The following KAT6B variants were observed in gnomAD, a reference collection of about 807,000 sequenced individuals.
KAT6B encodes the protein lysine acetyltransferase 6B.
In KAT6B, 10 loss-of-function variants were observed where a neutral mutation model predicts 187.5. The observed-to-expected ratio is 0.05, with a 90% CI of 0.03 to 0.09. The LOEUF is 0.09. KAT6B is among the 10% of genes least tolerant of loss of function. The probability of loss-of-function intolerance (pLI) is 1.00; values close to 1 mark genes in which losing one functional copy is unlikely to be tolerated. For synonymous variants in KAT6B, 861 were observed against 926.8 expected (o/e 0.93, Z 1.29); for missense variants, 1,952 against 2,558.9 (o/e 0.76, Z 5.12).
chr10:74,897,663 A>G (rs950792930), intron 3 of KAT6B, among the ~76,000 whole-genome samples: 1 of 152,248 alleles, frequency 6.6e-6, no homozygotes, highest in African/African-American at 2.4e-5. Flanking sequence ...GTGTCTTAGC[A>G]GTGAACTTCA....
At chr10:74,971,643 T>G (rs946583464) in intron 6 of KAT6B, among the ~76,000 whole-genome samples, 34 of 152,154 alleles carry the variant, frequency 2.2e-4, no homozygotes, top group Non-Finnish European at 4.1e-4. Flanking sequence ...TTTACCTTTT[T>G]CTTCCTGATT....
chr10:74,826,040 C>T (rs1490873457), upstream of KAT6B, among the ~76,000 whole-genome samples: 2 of 151,494 alleles, frequency 1.3e-5, no homozygotes, highest in African/African-American at 4.9e-5. Flanking sequence ...CTTCGCGTGC[C>T]CGCCCGCGCG....
intron 3 of KAT6B, among the ~76,000 whole-genome samples, chr10:74,948,918 G>A (rs778898003): frequency 6.6e-6 from 1 of 152,174 alleles, no homozygotes; most frequent in African/African-American, 2.4e-5. Flanking sequence ...CTTTAAGACA[G>A]AATTTCTATT....
chr10:75,030,425 C>T lies in KAT6B; in HGVS notation c.5601C>T (p.Ser1867=), dbSNP rs138499019. ...GLVQLSQSPH[S]VPGGPQAQAT... is the part of the protein sequence containing the mutation. ...TTCAACTTTCTCAGTCTCCACACTC[C>T]GTCCCTGGGGGACCCCAAGCACAAG... Residue 1867 remains serine (S), a synonymous_variant, in exon 18 of 18, where the codon TCC becomes TCT. Transcript: ENST00000287239. The surrounding 1 kb of genome is among the most constrained non-coding windows in gnomAD (Gnocchi z 4.8). 33 of 1,614,216 alleles carry T rather than the reference C, an allele frequency of 2.0e-5. No individual in the cohort carries two copies. The highest frequency in any genetic ancestry group is 4.5e-5 in the East Asian group (2 of 44,894).
At chr10:75,010,123 A>G (rs570422885) in intron 13 of KAT6B, among the ~76,000 whole-genome samples, 1 of 152,360 alleles carries the variant, frequency 6.6e-6, no homozygotes, top group East Asian at 1.9e-4. Flanking sequence ...GCACAGCTTC[A>G]GAGGGGGCTC....
chr10:75,028,354 C>T, intron 17 of KAT6B, 135 bp from the exon 18 acceptor site: 1 of 1,306,730 alleles, frequency 7.7e-7, no homozygotes, highest in South Asian at 1.3e-5. Context: ...TTGATTATGT[C>T]TTTACCATCA....
intron 4 of KAT6B, among the ~76,000 whole-genome samples, chr10:74,961,711 G>A (rs967104830): frequency 3.3e-5 from 5 of 152,274 alleles, no homozygotes; most frequent in African/African-American, 7.2e-5. Flanking sequence ...AGGGGAGGTT[G>A]ATCTCCTTTA....
chr10:74,985,038 G>GTA (rs756338318), intron 11 of KAT6B, 42 bp from the exon 12 acceptor site: 3 of 1,556,794 alleles, frequency 1.9e-6, no homozygotes, highest in Non-Finnish European at 2.7e-6. Context: ...ATATGGTGCA[G>GTA]TATTTTTATG....
At chr10:74,896,386 G>C (rs1845990603) in intron 3 of KAT6B, among the ~76,000 whole-genome samples, 1 of 152,114 alleles carries the variant, frequency 6.6e-6, no homozygotes, top group Non-Finnish European at 1.5e-5. Context: ...CCGCCTCCTG[G>C]GTTCAAGCTA....
chr10:74,859,760 A>G (rs780396362), intron 3 of KAT6B, among the ~76,000 whole-genome samples: 31 of 152,196 alleles, frequency 2.0e-4, no homozygotes, highest in Non-Finnish European at 3.4e-4. Context: ...CTCATTTTCC[A>G]CCAGCTACAG....
Position 74,985,643 on chromosome 10 carries a change from T to A in KAT6B, c.2535+402T>A, listed in dbSNP as rs1337870433. 6.6e-5 allele frequency among the ~76,000 whole-genome samples: 10 copies of A among 152,288 alleles called. No individual in the cohort carries two copies. In the South Asian group the frequency reaches 1.2e-3, roughly 19 times the overall value. On this transcript the variant is annotated intron_variant, in intron 12 of 17. Coordinates refer to ENST00000287239, the MANE Select transcript of KAT6B (RefSeq NM_012330.4). ...TGTGGTCAACAGTATCTCAGTGAGT[T>A]AGGACGCTGGCATTTGGACAGTCAA...
intron 13 of KAT6B, among the ~76,000 whole-genome samples, chr10:75,003,739 T>C (rs1844012881): frequency 6.6e-6 from 1 of 152,226 alleles, no homozygotes. Flanking sequence ...TATATTTTAA[T>C]ATGCTAAAGA....
At chr10:74,913,145 C>T (rs887922705) in intron 3 of KAT6B, among the ~76,000 whole-genome samples, 6 of 152,134 alleles carry the variant, frequency 3.9e-5, no homozygotes, top group African/African-American at 1.2e-4. Flanking sequence ...TTTTGTATGA[C>T]AGGTAAGTCT....
rs138782403 is a variant in KAT6B, at chr10:74,843,533, G to A, written c.621+55G>A. 23,669 of 1,602,638 alleles carry A rather than the reference G, an allele frequency of 0.015. 192 individuals are homozygous for A. The highest frequency in any genetic ancestry group is 0.018 in the Non-Finnish European group (20,904 of 1,172,220). ...TCACTACTGTCCTTTTGTCTTTTACGGTTTCACTTAAGTTTTATGTGGACA... is the reference window on the plus strand; with the variant it reads ...TCACTACTGTCCTTTTGTCTTTTACAGTTTCACTTAAGTTTTATGTGGACA... On this transcript the variant is annotated intron_variant, in intron 3 of 17. Transcript: ENST00000287239.
chr10:74,860,242 A>G (rs1843086085), intron 3 of KAT6B, among the ~76,000 whole-genome samples: 2 of 152,136 alleles, frequency 1.3e-5, no homozygotes, highest in Admixed American at 6.6e-5. Flanking sequence ...TTCCCCATTT[A>G]GTATGTGACA....
rs984739758 is a variant in KAT6B, at chr10:74,846,282, A to T, written c.621+2804A>T. On this transcript the variant is annotated intron_variant, in intron 3 of 17. Coordinates refer to ENST00000287239, the MANE Select transcript of KAT6B (RefSeq NM_012330.4). ...TAGTTCTCTGTGGCAGAATGTGGGCATAAAGAAAGAAGTAAAGTTATGAAA... is the reference window on the plus strand; with the variant it reads ...TAGTTCTCTGTGGCAGAATGTGGGCTTAAAGAAAGAAGTAAAGTTATGAAA... Among the ~76,000 whole-genome samples the T allele has an allele frequency of 5.3e-4, 80 of 152,202 alleles. 1 individual carries two copies. The highest frequency in any genetic ancestry group is 2.0e-4 in the Admixed American group (3 of 15,274).
chr10:74,893,539 A>G (rs895839658), intron 3 of KAT6B, among the ~76,000 whole-genome samples: 36 of 151,410 alleles, frequency 2.4e-4, no homozygotes, highest in Admixed American at 3.3e-4. Flanking sequence ...ACGCAATCTC[A>G]GCTCACTGCA....
chr10:74,898,572 T>G (rs4745760), intron 3 of KAT6B, among the ~76,000 whole-genome samples: 46,338 of 151,926 alleles, frequency 0.31, 12,632 homozygotes, highest in African/African-American at 0.72. Context: ...TAGTGGATAA[T>G]GTGGGCGTTA....
intron 16 of KAT6B, among the ~76,000 whole-genome samples, chr10:75,022,532 C>T (rs1845515846): frequency 1.3e-5 from 2 of 152,072 alleles, no homozygotes; most frequent in African/African-American, 4.8e-5. Context: ...CAAAAAGGGG[C>T]CCCAGAAAGC....
Sources: gnomAD v4.1 joint callset for allele counts (sites outside exome capture counted in the v4.1 genomes callset) on GRCh38, gnomAD v4.1.1 for gene constraint, Gnocchi (gnomAD v3.1) non-coding constraint, MANE v1.5 for transcripts, NCBI Gene and HGNC (gene_info 2026-07-23, HGNC 2026-07-21) for gene names.